The following USP48 variants were observed in gnomAD, a reference collection of about 807,000 sequenced individuals.
USP48 encodes ubiquitin specific peptidase 48.
In USP48, 43 loss-of-function variants were observed where a neutral mutation model predicts 150.7. The ratio of observed to expected loss-of-function variants is 0.29; its 90% CI spans 0.22 to 0.37. The LOEUF is 0.37. Among genes scored for constraint, USP48 ranks in the 10% least tolerant of loss-of-function variants. The pLI, the probability that USP48 is intolerant of heterozygous loss-of-function variation, is 1.00. For missense variants in USP48, 813 were observed against 1,249.6 expected, an observed-to-expected ratio of 0.65 and a Z score of 5.27; for synonymous variants, 396 against 425.9, an observed-to-expected ratio of 0.93 and a Z score of 0.86.
intron 13 of USP48, among the ~76,000 whole-genome samples, chr1:21,721,403 C>A (rs2097720601): frequency 6.6e-6 from 1 of 152,182 alleles, no homozygotes; most frequent in Non-Finnish European, 1.5e-5. Flanking sequence ...TACCTTCAAG[C>A]CAATCACACC....
intron 1 of USP48, among the ~76,000 whole-genome samples, chr1:21,775,507 G>A (rs1452424243): frequency 1.3e-5 from 2 of 152,084 alleles, no homozygotes; most frequent in South Asian, 2.1e-4. Flanking sequence ...CTCCCACCTC[G>A]GCCTAACAAA....
intron 26 of USP48, among the ~76,000 whole-genome samples, chr1:21,680,448 C>T (rs1183924345): frequency 1.3e-5 from 2 of 152,168 alleles, no homozygotes; most frequent in Non-Finnish European, 2.9e-5. Context: ...TTAATAGTTA[C>T]ACACTGTTTT....
chr1:21,712,030 G>A (rs1341111508), intron 15 of USP48, among the ~76,000 whole-genome samples: 1 of 152,360 alleles, frequency 6.6e-6, no homozygotes, highest in East Asian at 1.9e-4. Context: ...TAGAATGGAT[G>A]TGATAATATA....
chr1:21,701,665 T>C (rs982212258), intron 21 of USP48, 63 bp from the exon 22 acceptor site: 1 of 1,442,564 alleles, frequency 6.9e-7, no homozygotes, highest in South Asian at 1.2e-5. Context: ...CTATGGAGGA[T>C]GTGGGGGCTG....
At chr1:21,727,643 C>T (rs1366830090) in intron 11 of USP48, among the ~76,000 whole-genome samples, 2 of 152,166 alleles carry the variant, frequency 1.3e-5, no homozygotes. Flanking sequence ...CAAATCATTT[C>T]CAGTTACATT....
intron 9 of USP48, among the ~76,000 whole-genome samples, chr1:21,735,626 C>T (rs1180014296): frequency 7.2e-5 from 11 of 152,156 alleles, no homozygotes; most frequent in South Asian, 2.1e-4. Context: ...CAGTGGCTTA[C>T]GCCTGTAATC....
chr1:21,737,768 T>C (rs1417208738), intron 8 of USP48, among the ~76,000 whole-genome samples: 1 of 152,234 alleles, frequency 6.6e-6, no homozygotes, highest in East Asian at 1.9e-4. Flanking sequence ...ATAATGACTA[T>C]ATATAATTAC....
In USP48 at chr1:21,715,402, A is replaced by G; in HGVS notation, c.1950T>C (p.Ile650=). Residue 650 remains isoleucine, a synonymous_variant, in exon 15 of 27, where the codon ATT becomes ATC. Transcript: ENST00000308271. ...CTTCTAGCTTACCATGTGGACACAGAATATCTTCATTAAAATTTAATTCCT... is the reference window on the plus strand; with the variant it reads ...CTTCTAGCTTACCATGTGGACACAGGATATCTTCATTAAAATTTAATTCCT... ...EEEELNFNED[I]LCPHGELCIS... 1 of 1,591,718 alleles carries G rather than the reference A, an allele frequency of 6.3e-7. No individual in the cohort carries two copies. The highest frequency in any genetic ancestry group is 8.6e-7 in the Non-Finnish European group (1 of 1,161,806).
At position 21,779,100 on chromosome 1, in the gene USP48, G is replaced by A. The variant is rs2097907935; in HGVS notation, c.134+3724C>T. 2.6e-5 allele frequency among the ~76,000 whole-genome samples: 4 copies of A among 151,898 alleles called. No homozygotes were observed. The East Asian group carries it at 7.8e-4, about 29-fold the overall frequency. ...CCAGCAAAAAAATTTTGTTTAATTA[G>A]CCTCGTGTTGTGGCATGTGCCTGTA... On this transcript the variant is annotated intron_variant, in intron 1 of 26. Coordinates refer to ENST00000308271, the MANE Select transcript of USP48 (RefSeq NM_032236.8).
intron 11 of USP48, chr1:21,724,464 A>G (rs1476466271): frequency 2.5e-6 from 1 of 394,750 alleles, no homozygotes; most frequent in African/African-American, 2.0e-5. Flanking sequence ...CTCACAAATA[A>G]CACAACCTCA....
At chr1:21,729,863 C>A (rs751785979) in intron 9 of USP48, 31 bp from the exon 10 acceptor site, 11 of 1,613,564 alleles carry the variant, frequency 6.8e-6, no homozygotes, top group Non-Finnish European at 8.5e-6. Context: ...GGTACCTTAA[C>A]TTAAGTGCCT....
chr1:21,760,343 G>A (rs1035018213), intron 1 of USP48, among the ~76,000 whole-genome samples: 2 of 152,184 alleles, frequency 1.3e-5, no homozygotes, highest in African/African-American at 4.8e-5. Context: ...ACTGATAACA[G>A]TAAAAGACTG....
chr1:21,682,365 C>T (rs978153261), intron 25 of USP48, among the ~76,000 whole-genome samples: 4 of 152,032 alleles, frequency 2.6e-5, no homozygotes, highest in African/African-American at 9.7e-5. Context: ...ACCCAGGGTA[C>T]CATCATTTTT....
chr1:21,734,973 T>C (rs2097765533), intron 9 of USP48, among the ~76,000 whole-genome samples: 1 of 152,218 alleles, frequency 6.6e-6, no homozygotes, highest in African/African-American at 2.4e-5. Flanking sequence ...CAGACCTCAC[T>C]ACTACACAGT....
At chr1:21,723,146 T>TAG (rs1427732312) in intron 12 of USP48, among the ~76,000 whole-genome samples, 1 of 152,168 alleles carries the variant, frequency 6.6e-6, no homozygotes, top group Non-Finnish European at 1.5e-5. Flanking sequence ...TGGTCATATA[T>TAG]AGCTCTATAT....
rs566598822 is a variant in USP48 at position 21,776,907 on chromosome 1, G to A, written c.134+5917C>T. ...GGCTGCAGTGAGCCGAGTTTGTGCC[G>A]CTGCACTCCAGCCTGGGCAACAAGA... On this transcript the variant is annotated intron_variant, in intron 1 of 26. Transcript: ENST00000308271. Among the ~76,000 whole-genome samples, 123 of 149,370 alleles carry A rather than the reference G, an allele frequency of 8.2e-4. 1 individual carries two copies. The highest frequency in any genetic ancestry group is 2.7e-3 in the African/African-American group (108 of 40,526).
In USP48 at chr1:21,679,611, C is replaced by T. The variant is rs115695481; in HGVS notation, c.3086-172G>A. 9.3e-3 allele frequency among the ~76,000 whole-genome samples: 1,411 copies of T among 152,296 alleles called. 26 individuals are homozygous for T. Among genetic ancestry groups the T allele is most frequent in the African/African-American group, 0.031 (1,300 of 41,554 alleles). On this transcript the variant is annotated intron_variant, in intron 26 of 26. Coordinates refer to ENST00000308271, the MANE Select transcript of USP48 (RefSeq NM_032236.8). ...AAATACCAGCAGACTCCAGGCTCTCCGCTAAATCACATTTTTGTTGAAAGC... is the reference window on the plus strand; with the variant it reads ...AAATACCAGCAGACTCCAGGCTCTCTGCTAAATCACATTTTTGTTGAAAGC...
At chr1:21,723,381 A>G (rs545391474) in intron 12 of USP48, among the ~76,000 whole-genome samples, 3 of 152,116 alleles carry the variant, frequency 2.0e-5, no homozygotes, top group African/African-American at 7.2e-5. Flanking sequence ...TTAGCTGGGC[A>G]TGGTGGTGCG....
intron 11 of USP48, chr1:21,724,494 C>A: frequency 3.5e-6 from 1 of 283,472 alleles, no homozygotes; most frequent in Non-Finnish European, 6.6e-6. Context: ...GTGTTTATTT[C>A]ATAAATTATT....
Sources: gnomAD v4.1 joint callset for allele counts (sites outside exome capture counted in the v4.1 genomes callset) on GRCh38, gnomAD v4.1.1 for gene constraint, MANE v1.5 for transcripts, NCBI Gene and HGNC (gene_info 2026-07-23, HGNC 2026-07-21) for gene names.